The following PLOD1 variants were observed in gnomAD, a reference collection of about 807,000 sequenced individuals.
PLOD1 encodes the protein lysine hydroxylase.
In PLOD1, 70 loss-of-function variants were observed where a neutral mutation model predicts 94.7. The ratio of observed to expected loss-of-function variants is 0.74; its 90% CI spans 0.61 to 0.90. PLOD1 has a LOEUF of 0.90. Ranked by LOEUF, PLOD1 falls within the 40% of genes least tolerant of loss-of-function variation. The pLI, the probability that PLOD1 is intolerant of heterozygous loss-of-function variation, is 0.00. For missense variants in PLOD1, 905 were observed against 972.7 expected (o/e 0.93, Z 0.93); for synonymous variants, 417 against 400.2 (o/e 1.04, Z -0.50).
chr1:11,949,570 C>G (rs1299399395), intron 2 of PLOD1, among the ~76,000 whole-genome samples: 2 of 152,124 alleles, frequency 1.3e-5, no homozygotes, highest in African/African-American at 2.4e-5. Context: ...GAGGCATGTG[C>G]CACCACACGC....
intron 1 of PLOD1, among the ~76,000 whole-genome samples, chr1:11,936,531 A>AT (rs1000378724): frequency 1.3e-5 from 2 of 150,382 alleles, no homozygotes; most frequent in Non-Finnish European, 3.0e-5. Flanking sequence ...TATTTATTTA[A>AT]TTTTTTTTTG....
intron 16 of PLOD1, among the ~76,000 whole-genome samples, chr1:11,968,331 A>G (rs1645836161): frequency 6.6e-6 from 1 of 152,106 alleles, no homozygotes; most frequent in South Asian, 2.1e-4. Context: ...TTTTGATAAA[A>G]GAGCACAATC....
In PLOD1 at chr1:11,974,889, G is replaced by GA; in HGVS notation, c.*81_*82insA. On this transcript the variant is annotated 3_prime_UTR_variant, in exon 19 of 19. Coordinates refer to ENST00000196061, the MANE Select transcript of PLOD1 (RefSeq NM_000302.4). ...CAGCCTCTGGGACCTCGGGGTCCCAGGGAACCCAGTCCAGCCTCCTGGCTG... is the reference window on the plus strand; with the variant it reads ...CAGCCTCTGGGACCTCGGGGTCCCAGAGGAACCCAGTCCAGCCTCCTGGCTG... The GA allele has an allele frequency of 3.6e-6, 5 of 1,407,292 alleles. No individual in the cohort carries two copies. Among genetic ancestry groups the GA allele is most frequent in the Non-Finnish European group, 5.0e-6 (5 of 991,680 alleles). The allele number at this position is 1,407,292 out of a possible 1,614,324, so 87.2% of individuals were successfully genotyped here.
intron 1 of PLOD1, among the ~76,000 whole-genome samples, chr1:11,940,506 G>A (rs1645608370): frequency 6.6e-6 from 1 of 152,214 alleles, no homozygotes; most frequent in South Asian, 2.1e-4. Context: ...GAAAGTCTCT[G>A]GAGGGAGGTA....
At chr1:11,960,580 A>C in intron 9 of PLOD1, 66 bp from the exon 10 acceptor site, 5 of 1,144,748 alleles carry the variant, frequency 4.4e-6, no homozygotes, top group Non-Finnish European at 6.6e-6. Context: ...GAGGTGCTAC[A>C]GTCCCTGGGT....
intron 4 of PLOD1, among the ~76,000 whole-genome samples, chr1:11,951,776 A>G (rs1430970279): frequency 6.8e-6 from 1 of 147,484 alleles, no homozygotes; most frequent in African/African-American, 2.5e-5. Flanking sequence ...AAAATTAGCC[A>G]GGTGTGGTGG....
At chr1:11,938,243 G>A (rs138246350) in intron 1 of PLOD1, among the ~76,000 whole-genome samples, 20 of 152,214 alleles carry the variant, frequency 1.3e-4, no homozygotes, top group African/African-American at 4.6e-4. Context: ...GAGCCACCAC[G>A]CCCGGCCAGG....
chr1:11,959,618 A>AT (rs796969636), intron 9 of PLOD1, among the ~76,000 whole-genome samples: 2,397 of 93,128 alleles, frequency 0.026, 73 homozygotes, highest in African/African-American at 0.083. Flanking sequence ...AATTTTTTGT[A>AT]TTTTTTTTTT....
intron 16 of PLOD1, among the ~76,000 whole-genome samples, chr1:11,967,820 G>C (rs1645832605): frequency 6.6e-6 from 1 of 150,516 alleles, no homozygotes; most frequent in African/African-American, 2.4e-5. Flanking sequence ...CGCAATCTTG[G>C]CTCATTGCAA....
In PLOD1 at chr1:11,974,681, A is replaced by C; in HGVS notation, c.2057A>C (p.Asn686Thr). The C allele has an allele frequency of 6.2e-7, 1 of 1,613,640 alleles. No homozygotes were observed. The highest frequency in any genetic ancestry group is 8.5e-7 in the Non-Finnish European group (1 of 1,179,840). ...EGGGCRFLRY[N>T]CSIRAPRKGW... ...GGGGGCTGTCGGTTCCTGCGCTACAACTGTTCCATCCGAGCCCCAAGGAAG... is the reference window on the plus strand; with the variant it reads ...GGGGGCTGTCGGTTCCTGCGCTACACCTGTTCCATCCGAGCCCCAAGGAAG... Residue 686 changes from asparagine (N) to threonine (T), a missense_variant, in exon 19 of 19, where the codon AAC (asparagine) becomes ACC (threonine). Transcript: ENST00000196061.
In PLOD1 at chr1:11,972,744, T is replaced by C. The variant is rs116375338; in HGVS notation, c.1903-128T>C. 278 of 941,188 alleles carry C rather than the reference T, an allele frequency of 3.0e-4. No individual in the cohort carries two copies. The African/African-American group carries it at 4.0e-3, about 13-fold the overall frequency. The allele number at this position is 941,188 out of a possible 1,614,324, so 58.3% of individuals were successfully genotyped here. A position where few individuals can be genotyped will look rare whatever the true frequency, so the allele number is the denominator to read the frequency against. On this transcript the variant is annotated intron_variant, in intron 17 of 18. Transcript: ENST00000196061. This position sits in a 1 kb window ranked among gnomAD's most constrained non-coding sequence, Gnocchi z 4.6. ...GCAGGCACTCGAGCATAGAGCCCCATGTAGACCTGGCCCCTGTAAGCTGAC... is the reference window on the plus strand; with the variant it reads ...GCAGGCACTCGAGCATAGAGCCCCACGTAGACCTGGCCCCTGTAAGCTGAC...
chr1:11,974,034 C>G (rs564885667), intron 18 of PLOD1, among the ~76,000 whole-genome samples: 1 of 152,212 alleles, frequency 6.6e-6, no homozygotes, highest in South Asian at 2.1e-4. Flanking sequence ...CCTCAGCTCT[C>G]AATTGTAACA....
chr1:11,971,849 A>C (rs1645866862), intron 17 of PLOD1: 1 of 152,050 alleles, frequency 6.6e-6, no homozygotes, highest in South Asian at 2.1e-4. Flanking sequence ...TTCTTCCAAT[A>C]GTGAGGAAAA....
intron 1 of PLOD1, 62 bp downstream of exon 1, chr1:11,934,917 G>T: frequency 2.0e-6 from 3 of 1,507,812 alleles, no homozygotes; most frequent in Non-Finnish European, 2.6e-6. Flanking sequence ...GTGTCGGGCT[G>T]CCTCCCTGGG....
intron 14 of PLOD1, among the ~76,000 whole-genome samples, chr1:11,965,929 C>G (rs1285979763): frequency 6.6e-6 from 1 of 152,136 alleles, no homozygotes; most frequent in Non-Finnish European, 1.5e-5. Context: ...CCTGTCTTAC[C>G]CATGAGGGTG....
In PLOD1 at chr1:11,974,799, C is replaced by T. The variant is rs768818916; in HGVS notation, c.2175C>T (p.Val725=). Residue 725 remains valine (V), a synonymous_variant, in exon 19 of 19, where the codon GTC becomes GTT. Coordinates refer to ENST00000196061, the MANE Select transcript of PLOD1 (RefSeq NM_000302.4). ...CCCGCTACATCGCAGTCTCCTTCGTCGATCCCTAATTGGCCAGGCCTGACC... is the reference window on the plus strand; with the variant it reads ...CCCGCTACATCGCAGTCTCCTTCGTTGATCCCTAATTGGCCAGGCCTGACC... ...RGTRYIAVSF[V]DP 8.7e-6 allele frequency: 14 copies of T among 1,613,996 alleles called. No homozygotes were observed. Among genetic ancestry groups the T allele is most frequent in the Admixed American group, 8.3e-5 (5 of 59,988 alleles).
chr1:11,971,861 C>G (rs985119178), intron 17 of PLOD1: 1 of 152,240 alleles, frequency 6.6e-6, no homozygotes, highest in African/African-American at 2.4e-5. Context: ...TGAGGAAAAC[C>G]CTGAACTCCT....
chr1:11,934,732 G>T lies in PLOD1; in HGVS notation c.-48G>T. The T allele has an allele frequency of 2.0e-6, 3 of 1,517,266 alleles. No individual in the cohort carries two copies. Among genetic ancestry groups the T allele is most frequent in the Admixed American group, 2.0e-5 (1 of 49,452 alleles). The allele number at this position is 1,517,266 out of a possible 1,614,324, so 94.0% of individuals were successfully genotyped here. ...CTGCGGCCCCGTCGCGAAGTTTCCA[G>T]CCCTGCGAGCGCCGCCGGGTCGGCC... On this transcript the variant is annotated 5_prime_UTR_variant, in exon 1 of 19. Transcript: ENST00000196061.
chr1:11,937,948 A>T (rs925344958), intron 1 of PLOD1, among the ~76,000 whole-genome samples: 403 of 101,546 alleles, frequency 4.0e-3, no homozygotes, highest in Middle Eastern at 0.01. Flanking sequence ...TTAAGTTTTC[A>T]TTTTCTTTTT....
Sources: gnomAD v4.1 joint callset for allele counts (sites outside exome capture counted in the v4.1 genomes callset) on GRCh38, gnomAD v4.1.1 for gene constraint, Gnocchi (gnomAD v3.1) non-coding constraint, MANE v1.5 for transcripts, NCBI Gene and HGNC (gene_info 2026-07-23, HGNC 2026-07-21) for gene names.